Variants in STAT5B observed in about 807,000 individuals in gnomAD.
The protein encoded by STAT5B is transcription factor STAT5B.
A neutral mutation model predicts 107.8 loss-of-function variants in STAT5B; 21 were observed. The ratio of observed to expected loss-of-function variants is 0.19; its 90% CI spans 0.14 to 0.28. The LOEUF is 0.28. Among genes scored for constraint, STAT5B ranks in the 10% least tolerant of loss-of-function variants. STAT5B has a pLI of 1.00. For missense variants in STAT5B, 565 were observed against 1,008.2 expected (o/e 0.56, Z 5.95); for synonymous variants, 325 against 401.7 (o/e 0.81, Z 2.28).
intron 1 of STAT5B, among the ~76,000 whole-genome samples, chr17:42,233,151 A>T (rs1011356771): frequency 1.3e-4 from 20 of 152,044 alleles, no homozygotes; most frequent in Admixed American, 3.9e-4. Flanking sequence ...GATTTTTTTT[A>T]AAAAATCACT....
At chr17:42,204,891 G>C (rs994640900) in intron 16 of STAT5B, among the ~76,000 whole-genome samples, 1 of 152,094 alleles carries the variant, frequency 6.6e-6, no homozygotes, top group Non-Finnish European at 1.5e-5. Context: ...TGGAATTACA[G>C]GCATGAGCCA....
intron 3 of STAT5B, among the ~76,000 whole-genome samples, chr17:42,227,054 G>C (rs1186861026): frequency 4.0e-5 from 6 of 150,660 alleles, no homozygotes; most frequent in African/African-American, 1.2e-4. Context: ...AGAATCGCTT[G>C]AACCCGGGAG....
intron 1 of STAT5B, among the ~76,000 whole-genome samples, chr17:42,265,578 C>T (rs2080663683): frequency 6.6e-6 from 1 of 151,878 alleles, no homozygotes; most frequent in Non-Finnish European, 1.5e-5. Context: ...GTCTTGAACT[C>T]CTGACCTCGT....
At chr17:42,214,279 A>T (rs1035589952) in intron 12 of STAT5B, 6 of 985,046 alleles carry the variant, frequency 6.1e-6, no homozygotes, top group Non-Finnish European at 7.2e-6. Context: ...GTACACAGAG[A>T]GTGAGATCTG....
rs1479528558 is a variant in STAT5B, at chr17:42,209,482, T to C, written c.1906+689A>G. 3.3e-5 allele frequency among the ~76,000 whole-genome samples: 5 copies of C among 152,204 alleles called. No individual in the cohort carries two copies. The South Asian group carries it at 6.2e-4, about 19-fold the overall frequency. ...GGCTCAAGCCCGTAATCCCAATACT[T>C]TGGGAAGCCAAAGTGGGGGATTGTT... On this transcript the variant is annotated intron_variant, in intron 15 of 18. Coordinates refer to ENST00000293328, the MANE Select transcript of STAT5B (RefSeq NM_012448.4).
intron 1 of STAT5B, among the ~76,000 whole-genome samples, chr17:42,235,998 CT>C (rs2080354041): frequency 6.6e-6 from 1 of 152,080 alleles, no homozygotes; most frequent in Admixed American, 6.6e-5. Flanking sequence ...TCTATTTTGC[CT>C]TAAATTTTAG....
rs557044725 is a variant in STAT5B, at chr17:42,236,390, C to A, written c.-10-4253G>T. ...TCTAAACACCCAGTTTAGGAAAAAA[C>A]CAACTGTTCTCCCAGTTACGTGAAT... is the stretch of plus-strand genomic sequence containing the variant. On this transcript the variant is annotated intron_variant, in intron 1 of 18. Transcript: ENST00000293328. 3.3e-5 allele frequency among the ~76,000 whole-genome samples: 5 copies of A among 152,282 alleles called. No homozygotes were observed. The South Asian group carries it at 6.2e-4, about 19-fold the overall frequency.
chr17:42,202,230 C>T, intron 18 of STAT5B, 110 bp downstream of exon 18: 1 of 1,318,762 alleles, frequency 7.6e-7, no homozygotes, highest in Non-Finnish European at 1.1e-6. Context: ...GCTGTGTGGT[C>T]TCAGACCTAG....
Position 42,218,132 on chromosome 17 carries a change from G to C in STAT5B, c.1169+19C>G, listed in dbSNP as rs2080189147. ...ACATGAGACAAGTAGCAGGGAATGAGAGGAAGCTGCACAATTACTTGCGGG... is the reference window on the plus strand; with the variant it reads ...ACATGAGACAAGTAGCAGGGAATGACAGGAAGCTGCACAATTACTTGCGGG... On this transcript the variant is annotated intron_variant, in intron 9 of 18. Transcript: ENST00000293328. The C allele has an allele frequency of 6.2e-7, 1 of 1,612,034 alleles. No homozygotes were observed. Among genetic ancestry groups the C allele is most frequent in the African/African-American group, 1.3e-5 (1 of 74,848 alleles).
Position 42,210,414 on chromosome 17 carries a change from A to G in STAT5B, c.1764T>C (p.His588=), listed in dbSNP as rs771960501. ...MEVLKKHLKP[H]WNDGAILGFV... is the part of the protein sequence containing the mutation. ...ATAATGATTCTCACCCATCATTCCA[A>G]TGAGGCTTGAGATGTTTTTTTAACA... is the stretch of plus-strand genomic sequence containing the variant. Residue 588 remains histidine (H), a synonymous_variant, in exon 14 of 19, where the codon CAT becomes CAC. Transcript: ENST00000293328. 1.9e-6 allele frequency: 3 copies of G among 1,614,182 alleles called. No homozygotes were observed. The highest frequency in any genetic ancestry group is 4.5e-5 in the East Asian group (2 of 44,880).
the STAT5B span, among the ~76,000 whole-genome samples, chr17:42,284,456 G>A: frequency 2.6e-5 from 4 of 152,054 alleles, no homozygotes; most frequent in East Asian, 5.8e-4. Context: ...TAGTAGAGAC[G>A]GGGTTTCACC....
chr17:42,210,121 T>C (rs1337370901), intron 15 of STAT5B, 50 bp downstream of exon 15: 7 of 1,613,730 alleles, frequency 4.3e-6, no homozygotes, highest in Non-Finnish European at 5.9e-6. Context: ...TTAAAATAAT[T>C]TTGTAACGAA....
rs1258561579 is a variant in STAT5B at position 42,200,761 on chromosome 17, A to C, written c.*977T>G. The stretch of plus-strand genomic sequence containing the variant: ...CAACTTAGAAACAGAACCATGATTC[A>C]ACATTTGCAAAAAGCATCATCAATA... On this transcript the variant is annotated 3_prime_UTR_variant, in exon 19 of 19. Transcript: ENST00000293328. The C allele has an allele frequency of 3.8e-6, 1 of 265,204 alleles. No homozygotes were observed. Among genetic ancestry groups the C allele is most frequent in the Non-Finnish European group, 7.0e-6 (1 of 142,092 alleles). 16.4% of individuals were successfully genotyped at this position (265,204 alleles called of 1,614,324 possible). A position where few individuals can be genotyped will look rare whatever the true frequency, so the allele number is the denominator to read the frequency against.
At chr17:42,280,991 G>A (rs923402186), upstream of STAT5B, among the ~76,000 whole-genome samples, 7 of 151,948 alleles carry the variant, frequency 4.6e-5, no homozygotes, top group East Asian at 5.8e-4. Context: ...AAAATTAGCC[G>A]GGCGTGGTGG....
intron 1 of STAT5B, among the ~76,000 whole-genome samples, chr17:42,255,090 A>T (rs1189221954): frequency 6.7e-6 from 1 of 149,068 alleles, no homozygotes; most frequent in Non-Finnish European, 1.5e-5. Flanking sequence ...ACTCCGTCTA[A>T]AAAAAAAAAA....
At chr17:42,233,669 T>TTG (rs1367734793) in intron 1 of STAT5B, among the ~76,000 whole-genome samples, 1 of 152,012 alleles carries the variant, frequency 6.6e-6, no homozygotes, top group Non-Finnish European at 1.5e-5. Context: ...TTTTTGTACT[T>TTG]TTAGCAGAGA....
At chr17:42,286,233 CA>C in the STAT5B span, among the ~76,000 whole-genome samples, 1,531 of 52,394 alleles carry the variant, frequency 0.029, 12 homozygotes, top group African/African-American at 0.091. Flanking sequence ...AACTCCATCT[CA>C]AAAAAAAAAA....
intron 17 of STAT5B, 52 bp downstream of exon 17, chr17:42,202,705 T>C (rs2080055171): frequency 6.2e-7 from 1 of 1,612,388 alleles, no homozygotes; most frequent in African/African-American, 1.3e-5. Context: ...AGGCAGGGTC[T>C]GGGGGAGGAG....
chr17:42,285,127 T>C, the STAT5B span, among the ~76,000 whole-genome samples: 1 of 151,930 alleles, frequency 6.6e-6, no homozygotes, highest in East Asian at 1.9e-4. Context: ...TCTGACTCTG[T>C]TGCCCAGGCT....
Sources: gnomAD v4.1 joint callset for allele counts (sites outside exome capture counted in the v4.1 genomes callset) on GRCh38, gnomAD v4.1.1 for gene constraint, MANE v1.5 for transcripts, NCBI Gene and HGNC (gene_info 2026-07-23, HGNC 2026-07-21) for gene names.